EPCIP: variants seen among roughly 807,000 people sequenced by gnomAD.
The protein encoded by EPCIP is exosomal polycystin-1-interacting protein.
the EPCIP span, among the ~76,000 whole-genome samples, chr21:32,808,836 C>A: frequency 6.6e-6 from 1 of 152,076 alleles, no homozygotes; most frequent in East Asian, 1.9e-4. Context: ...TTTCTGTAAA[C>A]CTGAAACTAT....
At chr21:32,802,694 G>A in the EPCIP span, among the ~76,000 whole-genome samples, 1 of 152,218 alleles carries the variant, frequency 6.6e-6, no homozygotes, top group Non-Finnish European at 1.5e-5. Context: ...TGGGGATGAG[G>A]ATGAGGCTGT....
the EPCIP span, among the ~76,000 whole-genome samples, chr21:32,811,054 C>T: frequency 6.6e-6 from 1 of 152,062 alleles, no homozygotes; most frequent in Non-Finnish European, 1.5e-5. Flanking sequence ...TTCTTTTGTG[C>T]CAGGTACTGT....
chr21:32,795,385 G>C, the EPCIP span, among the ~76,000 whole-genome samples: 2 of 152,344 alleles, frequency 1.3e-5, no homozygotes, highest in Admixed American at 1.3e-4. Flanking sequence ...GCATATGACA[G>C]ATGCAGGATC....
the EPCIP span, among the ~76,000 whole-genome samples, chr21:32,806,077 G>A: frequency 2.6e-5 from 4 of 152,142 alleles, no homozygotes; most frequent in Admixed American, 6.5e-5. Flanking sequence ...CAGCCCAAAC[G>A]TATGCCTGAG....
chr21:32,803,840 A>G, the EPCIP span, among the ~76,000 whole-genome samples: 1 of 152,092 alleles, frequency 6.6e-6, no homozygotes, highest in Admixed American at 6.5e-5. Flanking sequence ...GGCCCTTGCA[A>G]GGATCTAATG....
the EPCIP span, chr21:32,794,188 G>A: frequency 6.2e-7 from 1 of 1,614,254 alleles, no homozygotes; most frequent in South Asian, 1.1e-5. Context: ...TGGTCAGATG[G>A]CCATTGTAGC....
the EPCIP span, among the ~76,000 whole-genome samples, chr21:32,800,510 T>C: frequency 1.3e-5 from 2 of 152,156 alleles, no homozygotes; most frequent in Admixed American, 6.6e-5. Flanking sequence ...GCACAAAGGC[T>C]CAAATATTTA....
chr21:32,793,094 A>T, the EPCIP span, among the ~76,000 whole-genome samples: 1 of 151,830 alleles, frequency 6.6e-6, no homozygotes, highest in East Asian at 1.9e-4. Context: ...AGTAGCTGGG[A>T]TTACAGGCAT....
At chr21:32,793,858 G>A in the EPCIP span, 165 of 1,613,926 alleles carry the variant, frequency 1.0e-4, no homozygotes, top group East Asian at 2.3e-3. Flanking sequence ...TGCTGGTAAC[G>A]TTTTCAATAC....
the EPCIP span, among the ~76,000 whole-genome samples, chr21:32,791,711 G>A: frequency 8.1e-5 from 12 of 148,170 alleles, no homozygotes; most frequent in Non-Finnish European, 1.6e-4. Context: ...GATTATTTCA[G>A]TTACTCTATG....
At chr21:32,802,689 A>G in the EPCIP span, among the ~76,000 whole-genome samples, 304 of 152,288 alleles carry the variant, frequency 2.0e-3, 1 homozygote, top group African/African-American at 7.2e-3. Context: ...GAAGGTGGGG[A>G]TGAGGATGAG....
chr21:32,790,973 T>C, the EPCIP span: 1 of 152,240 alleles, frequency 6.6e-6, no homozygotes, highest in Non-Finnish European at 1.5e-5. Context: ...AAGGATCAGA[T>C]CTGGCCCCAT....
the EPCIP span, among the ~76,000 whole-genome samples, chr21:32,791,898 TTTTTC>T: frequency 2.0e-5 from 3 of 152,160 alleles, no homozygotes; most frequent in Admixed American, 6.5e-5. Flanking sequence ...AGTGGATTCT[TTTTTC>T]TTTTCTTTTT....
At chr21:32,807,334 C>CTTTT in the EPCIP span, among the ~76,000 whole-genome samples, 83,211 of 129,438 alleles carry the variant, frequency 0.64, 28,251 homozygotes, top group East Asian at 0.79. Context: ...CCTCTTATGC[C>CTTTT]TTTTTTTTTT....
At chr21:32,804,046 G>A in the EPCIP span, among the ~76,000 whole-genome samples, 1 of 152,136 alleles carries the variant, frequency 6.6e-6, no homozygotes, top group Non-Finnish European at 1.5e-5. Context: ...AAAAGATGAA[G>A]TAAATTCATG....
At chr21:32,806,762 C>T in the EPCIP span, among the ~76,000 whole-genome samples, 1 of 152,198 alleles carries the variant, frequency 6.6e-6, no homozygotes, top group Non-Finnish European at 1.5e-5. Flanking sequence ...TAATTTCACC[C>T]ACTAATTTGC....
At chr21:32,794,350 G>C in the EPCIP span, 1 of 1,614,230 alleles carries the variant, frequency 6.2e-7, no homozygotes, top group Non-Finnish European at 8.5e-7. Context: ...TCTGACCTTT[G>C]GTGAAGCAGT....
the EPCIP span, among the ~76,000 whole-genome samples, chr21:32,801,849 G>GA: frequency 6.5e-4 from 95 of 147,104 alleles, 1 homozygote; most frequent in East Asian, 1.8e-3. Context: ...TCTCAAAAGA[G>GA]AAAAAAAAAA....
At chr21:32,798,620 G>A in the EPCIP span, 1 of 152,206 alleles carries the variant, frequency 6.6e-6, no homozygotes, top group Non-Finnish European at 1.5e-5. Flanking sequence ...AGCTATGATT[G>A]TATCACTGCA....
Sources: gnomAD v4.1 joint callset for allele counts (sites outside exome capture counted in the v4.1 genomes callset) on GRCh38, gnomAD v4.1.1 for gene constraint, MANE v1.5 for transcripts, NCBI Gene and HGNC (gene_info 2026-07-23, HGNC 2026-07-21) for gene names.